KCNAB2: variants seen among roughly 807,000 people sequenced by gnomAD.
KCNAB2 encodes voltage-gated potassium channel subunit beta-2.
KCNAB2 carries 29 observed loss-of-function variants against 63.6 expected under a neutral mutation model. That is an observed-to-expected ratio of 0.46 (90% CI 0.34 to 0.62). The LOEUF (loss-of-function observed/expected upper bound fraction) is 0.62. KCNAB2 is among the 20% of genes least tolerant of loss of function. The pLI is 0.01. For missense variants in KCNAB2, 359 were observed against 563.9 expected (o/e 0.64, Z 3.68); for synonymous variants, 222 against 224.2 (o/e 0.99, Z 0.09).
intron 1 of KCNAB2, among the ~76,000 whole-genome samples, chr1:6,006,864 T>G (rs535368275): frequency 4.0e-4 from 61 of 151,532 alleles, no homozygotes; most frequent in African/African-American, 1.4e-3. Context: ...CCAAGGGCCG[T>G]GATTGAAACC....
intron 1 of KCNAB2, among the ~76,000 whole-genome samples, chr1:6,001,324 ACACACACT>A (rs1197888861): frequency 1.3e-5 from 2 of 150,340 alleles, no homozygotes; most frequent in Non-Finnish European, 3.0e-5. Context: ...ACACACACAC[ACACACACT>A]CTCCCAACAC....
chr1:6,092,167 TA>T (rs949418000), intron 10 of KCNAB2, among the ~76,000 whole-genome samples: 2 of 152,204 alleles, frequency 1.3e-5, no homozygotes, highest in Non-Finnish European at 2.9e-5. Flanking sequence ...TCAACCCCAT[TA>T]AATATTGAGG....
chr1:6,058,933 G>A (rs1662076903), intron 2 of KCNAB2, among the ~76,000 whole-genome samples: 1 of 152,128 alleles, frequency 6.6e-6, no homozygotes, highest in African/African-American at 2.4e-5. Flanking sequence ...CCACATTGGA[G>A]CCTCGGTGGT....
At position 5,994,170 on chromosome 1, in the gene KCNAB2, C is replaced by G. The variant is rs967547440; in HGVS notation, c.-53+1382C>G. ...TTCTTTCTCTGCAACTTCTCCTCCC[C>G]GACAAAAACCCCAGCCTCACCCCTC... On this transcript the variant is annotated intron_variant, in intron 1 of 16. Coordinates refer to the KCNAB2 transcript ENST00000341524. The surrounding 1 kb of genome is among the most constrained non-coding windows in gnomAD (Gnocchi z 5.4). Among the ~76,000 whole-genome samples the G allele has an allele frequency of 6.6e-6, 1 of 152,196 alleles. No homozygotes were observed. The highest frequency in any genetic ancestry group is 6.5e-5 in the Admixed American group (1 of 15,284).
chr1:6,059,428 G>A (rs151076632), intron 2 of KCNAB2, among the ~76,000 whole-genome samples: 73 of 152,186 alleles, frequency 4.8e-4, no homozygotes, highest in African/African-American at 1.5e-3. Context: ...GGGCTCAAGC[G>A]ATCCACCCAC....
At chr1:6,004,823 C>T (rs888268582) in intron 1 of KCNAB2, among the ~76,000 whole-genome samples, 2 of 151,862 alleles carry the variant, frequency 1.3e-5, no homozygotes, top group South Asian at 2.1e-4. Flanking sequence ...TAGGTTTCTA[C>T]CCCCGAGTCC....
At position 6,084,748 on chromosome 1, in the gene KCNAB2, A is replaced by G. The variant is rs112134689; in HGVS notation, c.381-456A>G. Among the ~76,000 whole-genome samples, 1,461 of 150,372 alleles carry G rather than the reference A, an allele frequency of 9.7e-3. 23 individuals carry two copies. The highest frequency in any genetic ancestry group is 0.032 in the African/African-American group (1,319 of 40,748). On this transcript the variant is annotated intron_variant, in intron 5 of 15. Coordinates refer to ENST00000378083, the MANE Select transcript of KCNAB2 (RefSeq NM_001199862.2). ...GGAGAACTGCTTGAACCCAGGAGGC[A>G]GAGGTTGCAGAGAGCCGAGATCTCG...
intron 10 of KCNAB2, 78 bp downstream of exon 10, chr1:6,091,385 A>G (rs1665173450): frequency 1.9e-6 from 2 of 1,064,894 alleles, no homozygotes; most frequent in Admixed American, 4.2e-5. Flanking sequence ...TATTTACATG[A>G]TTCTTTTACC....
intron 8 of KCNAB2, among the ~76,000 whole-genome samples, chr1:6,089,396 G>T (rs984753523): frequency 4.6e-5 from 7 of 152,266 alleles, no homozygotes; most frequent in African/African-American, 1.7e-4. Flanking sequence ...CACCCGGCGA[G>T]GGTGGCTGGG....
At position 6,051,689 on chromosome 1, in the gene KCNAB2, C is replaced by T; in HGVS notation, c.153C>T (p.Ser51=). Residue 51 remains serine (S), a synonymous_variant, in exon 2 of 16, where the codon AGC becomes AGT. Transcript: ENST00000378083. The part of the protein sequence containing the change: ...RAAAQARNME[S]FLRMHGLSLD... ...CTGCCCAGGCCAGGAACATGGAGAG[C>T]TTCCTCCGCATGCACGGCCTTTCCC... 3.3e-6 allele frequency: 5 copies of T among 1,533,874 alleles called. No homozygotes were observed. Among genetic ancestry groups the T allele is most frequent in the Non-Finnish European group, 4.4e-6 (5 of 1,146,680 alleles).
rs1663350048 is a variant in KCNAB2, at chr1:6,073,030, G to A, written c.262+232G>A. Among the ~76,000 whole-genome samples the A allele has an allele frequency of 6.6e-6, 1 of 152,080 alleles. No homozygotes were observed. Among genetic ancestry groups the A allele is most frequent in the Admixed American group, 6.5e-5 (1 of 15,274 alleles). On this transcript the variant is annotated intron_variant, in intron 3 of 15. Transcript: ENST00000378083. The surrounding 1 kb of genome is among the most constrained non-coding windows in gnomAD (Gnocchi z 5.7). ...GAGAGACACAGTCTCAGCAGAGGAGGTGAGGCGGATACTAGGGGCCCCTCC... is the reference window on the plus strand; with the variant it reads ...GAGAGACACAGTCTCAGCAGAGGAGATGAGGCGGATACTAGGGGCCCCTCC...
chr1:6,053,823 C>T (rs963809618), intron 2 of KCNAB2, among the ~76,000 whole-genome samples: 2 of 151,634 alleles, frequency 1.3e-5, no homozygotes, highest in Non-Finnish European at 2.9e-5. Context: ...GGCTCACGCC[C>T]GTAGTCTCAG....
upstream of KCNAB2, among the ~76,000 whole-genome samples, chr1:6,044,800 C>T (rs1490324464): frequency 1.3e-5 from 2 of 152,060 alleles, no homozygotes; most frequent in African/African-American, 4.8e-5. Flanking sequence ...CCAGGAACTG[C>T]ACAGAGAGAG....
chr1:6,054,213 G>A (rs12043578), intron 2 of KCNAB2, among the ~76,000 whole-genome samples: 42,082 of 151,954 alleles, frequency 0.28, 6,181 homozygotes, highest in East Asian at 0.38. Context: ...GTGGAGTGAC[G>A]GGTCCACAAC....
upstream of KCNAB2, among the ~76,000 whole-genome samples, chr1:6,042,582 G>T (rs1660582231): frequency 6.6e-6 from 1 of 152,168 alleles, no homozygotes; most frequent in South Asian, 2.1e-4. Context: ...ACCCTAGGAA[G>T]TAAAATGTCA....
At chr1:6,091,127 ATAT>A in intron 9 of KCNAB2, 133 bp from the exon 10 acceptor site, 2 of 695,678 alleles carry the variant, frequency 2.9e-6, no homozygotes, top group African/African-American at 1.8e-5. Flanking sequence ...GTGTGTTGAT[ATAT>A]TTTTTTCCTT....
chr1:6,081,212 T>G (rs1307434804), intron 4 of KCNAB2, among the ~76,000 whole-genome samples: 1 of 152,236 alleles, frequency 6.6e-6, no homozygotes, highest in Admixed American at 6.5e-5. Context: ...ATCTTGCCCA[T>G]GAGGCAGCCA....
In KCNAB2 at chr1:6,035,160, A is replaced by G. The variant is rs1045685122; in HGVS notation, c.-53+366A>G. 6.6e-6 allele frequency among the ~76,000 whole-genome samples: 1 copy of G among 152,090 alleles called. No homozygotes were observed. The highest frequency in any genetic ancestry group is 1.5e-5 in the Non-Finnish European group (1 of 68,020). ...ATTCGGGCCGGAGGAGGAGGAGTGC[A>G]TGAAGCCCTGAGGTGGGAGTGAGTC... On this transcript the variant is annotated intron_variant, in intron 1 of 15. Transcript: ENST00000164247. This position sits in a 1 kb window ranked among gnomAD's most constrained non-coding sequence, Gnocchi z 5.0.
chr1:6,013,872 CGAG>C (rs1395256724), intron 1 of KCNAB2, among the ~76,000 whole-genome samples: 3 of 152,132 alleles, frequency 2.0e-5, no homozygotes, highest in Non-Finnish European at 4.4e-5. Flanking sequence ...GCTCACCCTA[CGAG>C]GAGGCCTTTG....
Sources: gnomAD v4.1 joint callset for allele counts (sites outside exome capture counted in the v4.1 genomes callset) on GRCh38, gnomAD v4.1.1 for gene constraint, Gnocchi (gnomAD v3.1) non-coding constraint, MANE v1.5 for transcripts, NCBI Gene and HGNC (gene_info 2026-07-23, HGNC 2026-07-21) for gene names.